The following SEMA3A variants were observed in gnomAD, a reference collection of about 807,000 sequenced individuals.
SEMA3A encodes semaphorin 3A.
In SEMA3A, 29 loss-of-function variants were observed where a neutral mutation model predicts 97.9. The observed-to-expected ratio is 0.30, with a 90% CI of 0.22 to 0.40. The LOEUF is 0.40. Ranked by LOEUF, SEMA3A falls within the 10% of genes least tolerant of loss-of-function variation. SEMA3A has a pLI of 1.00. For synonymous variants in SEMA3A, 321 were observed against 323.7 expected (o/e 0.99, Z 0.09); for missense variants, 763 against 951.3 (o/e 0.80, Z 2.60).
chr7:84,203,546 T>TTTTTTC (rs1554345526), intron 3 of SEMA3A, among the ~76,000 whole-genome samples: 2 of 131,522 alleles, frequency 1.5e-5, no homozygotes, highest in African/African-American at 5.7e-5. Context: ...TTTTTTTTTT[T>TTTTTTC]CTGAGATAGA....
intron 1 of SEMA3A, among the ~76,000 whole-genome samples, chr7:84,145,309 T>G (rs7803595): frequency 0.22 from 33,897 of 152,040 alleles, 3,912 homozygotes; most frequent in South Asian, 0.27. Flanking sequence ...TAAAATATGC[T>G]GTCTTTACTT....
chr7:84,182,908 T>C (rs903137380), intron 1 of SEMA3A, among the ~76,000 whole-genome samples: 9 of 152,132 alleles, frequency 5.9e-5, no homozygotes. Context: ...TACATTTCTT[T>C]GAAAGACACA....
chr7:84,402,593 A>G (rs1170787190), intron 1 of SEMA3A, among the ~76,000 whole-genome samples: 1 of 152,180 alleles, frequency 6.6e-6, no homozygotes, highest in Non-Finnish European at 1.5e-5. Flanking sequence ...AATCGACCTA[A>G]GTGTCCATCA....
At chr7:84,391,492 A>T (rs1803575341) in intron 1 of SEMA3A, among the ~76,000 whole-genome samples, 1 of 151,946 alleles carries the variant, frequency 6.6e-6, no homozygotes, top group Non-Finnish European at 1.5e-5. Context: ...ATAGAAAAAT[A>T]CCTCCCTCAG....
intron 1 of SEMA3A, among the ~76,000 whole-genome samples, chr7:84,437,945 TA>T (rs1805179879): frequency 6.6e-6 from 1 of 152,006 alleles, no homozygotes; most frequent in African/African-American, 2.4e-5. Context: ...TTAAAAAACC[TA>T]AAACAAGTTT....
At chr7:84,425,092 T>C (rs1375342726) in intron 1 of SEMA3A, among the ~76,000 whole-genome samples, 3 of 107,740 alleles carry the variant, frequency 2.8e-5, no homozygotes, top group Non-Finnish European at 5.0e-5. Flanking sequence ...ATTTATATTT[T>C]TATATAAATA....
intron 1 of SEMA3A, among the ~76,000 whole-genome samples, chr7:84,182,884 T>C: frequency 6.6e-6 from 1 of 152,150 alleles, no homozygotes; most frequent in Admixed American, 6.5e-5. Context: ...TTTAAGACAT[T>C]CATGCTATTA....
intron 3 of SEMA3A, among the ~76,000 whole-genome samples, chr7:84,203,522 A>ATTTTTTTTTT (rs1266870104): frequency 4.6e-5 from 2 of 43,600 alleles, no homozygotes; most frequent in African/African-American, 1.5e-4. Context: ...ATATATATAT[A>ATTTTTTTTTT]TATATTTTTT....
chr7:84,050,183 A>ATG (rs1237581473), intron 5 of SEMA3A, among the ~76,000 whole-genome samples: 1 of 152,038 alleles, frequency 6.6e-6, no homozygotes, highest in African/African-American at 2.4e-5. Context: ...ATACGTGTGC[A>ATG]TGTGTCTTTA....
intron 13 of SEMA3A, among the ~76,000 whole-genome samples, chr7:83,984,844 T>G (rs2097247235): frequency 2.0e-5 from 3 of 152,026 alleles, no homozygotes; most frequent in African/African-American, 7.2e-5. Flanking sequence ...GTTTTAGTAC[T>G]TATTTGGCAG....
At chr7:84,342,792 G>A (rs1472197759) in intron 2 of SEMA3A, among the ~76,000 whole-genome samples, 2 of 152,160 alleles carry the variant, frequency 1.3e-5, no homozygotes, top group Non-Finnish European at 2.9e-5. Flanking sequence ...TGTAGACAGT[G>A]GGTAAGGAAT....
chr7:83,996,339 G>A (rs936661204), intron 12 of SEMA3A, among the ~76,000 whole-genome samples: 1 of 119,434 alleles, frequency 8.4e-6, no homozygotes, highest in African/African-American at 3.3e-5. Context: ...GTCTCCCTCT[G>A]TCGCTCAGGC....
At chr7:83,962,877 AG>A (rs1030231714) in intron 16 of SEMA3A, among the ~76,000 whole-genome samples, 5 of 152,172 alleles carry the variant, frequency 3.3e-5, no homozygotes, top group Admixed American at 3.3e-4. Context: ...AATTAGTAGG[AG>A]GTTTTTTTTT....
intron 4 of SEMA3A, among the ~76,000 whole-genome samples, chr7:84,084,680 T>C (rs1381911962): frequency 6.6e-6 from 1 of 152,118 alleles, no homozygotes; most frequent in African/African-American, 2.4e-5. Flanking sequence ...GAAAAATGAA[T>C]ATAGTATATT....
chr7:84,356,111 T>C (rs1802554295), intron 2 of SEMA3A, among the ~76,000 whole-genome samples: 1 of 151,928 alleles, frequency 6.6e-6, no homozygotes, highest in East Asian at 1.9e-4. Flanking sequence ...ATAGTACAGA[T>C]ATTTGAATAT....
chr7:84,476,983 G>A (rs1365741268), intron 1 of SEMA3A, among the ~76,000 whole-genome samples: 1 of 150,302 alleles, frequency 6.7e-6, no homozygotes, highest in Non-Finnish European at 1.5e-5. Flanking sequence ...TTGTGCTAAA[G>A]GAAAGAGACT....
At chr7:84,246,469 A>T (rs1336619692) in intron 3 of SEMA3A, among the ~76,000 whole-genome samples, 1 of 152,216 alleles carries the variant, frequency 6.6e-6, no homozygotes, top group African/African-American at 2.4e-5. Context: ...TAATTTCAAT[A>T]TATAAAAAAT....
chr7:83,973,321 C>T (rs1401061806), intron 15 of SEMA3A, among the ~76,000 whole-genome samples: 3 of 151,786 alleles, frequency 2.0e-5, no homozygotes, highest in African/African-American at 7.3e-5. Context: ...TTAGTCTAGT[C>T]CTGAGTCATT....
chr7:84,208,619 T>C (rs1798555848), intron 3 of SEMA3A, among the ~76,000 whole-genome samples: 1 of 152,178 alleles, frequency 6.6e-6, no homozygotes, highest in Non-Finnish European at 1.5e-5. Flanking sequence ...TGTTATCTTT[T>C]AAAAAGTATT....
Sources: gnomAD v4.1 joint callset for allele counts (sites outside exome capture counted in the v4.1 genomes callset) on GRCh38, gnomAD v4.1.1 for gene constraint, MANE v1.5 for transcripts, NCBI Gene and HGNC (gene_info 2026-07-23, HGNC 2026-07-21) for gene names.